The following TUBGCP4 variants were observed in gnomAD, a reference collection of about 807,000 sequenced individuals.
TUBGCP4 encodes the protein gamma-tubulin complex component 4.
A neutral mutation model predicts 91.6 loss-of-function variants in TUBGCP4; 54 were observed. That is an observed-to-expected ratio of 0.59 (90% CI 0.47 to 0.74). TUBGCP4 has a LOEUF of 0.74. TUBGCP4 is among the 30% of genes least tolerant of loss of function. The pLI is 0.00. For missense variants in TUBGCP4, 593 were observed against 800.9 expected (o/e 0.74, Z 3.13); for synonymous variants, 297 against 302.8 (o/e 0.98, Z 0.20).
intron 5 of TUBGCP4, among the ~76,000 whole-genome samples, chr15:43,379,837 C>A (rs1441753904): frequency 6.6e-6 from 1 of 152,080 alleles, no homozygotes; most frequent in Non-Finnish European, 1.5e-5. Flanking sequence ...TTAGAATCAC[C>A]TGGAGGGCTT....
chr15:43,375,989 T>G (rs966691935), intron 1 of TUBGCP4, 109 bp from the exon 2 acceptor site: 1 of 1,504,628 alleles, frequency 6.6e-7, no homozygotes, highest in Non-Finnish European at 9.1e-7. Flanking sequence ...CACCTTTAAG[T>G]GGACATCTTG....
In TUBGCP4 at chr15:43,406,612, G is replaced by T; in HGVS notation, c.*1398G>T. The T allele has an allele frequency of 1.1e-5, 5 of 455,960 alleles. No individual in the cohort carries two copies. The highest frequency in any genetic ancestry group is 3.1e-5 in the South Asian group (2 of 64,554). 28.2% of individuals were successfully genotyped at this position (455,960 alleles called of 1,614,324 possible). ...TTGACCCTTTACAGAAAAAAACCTT[G>T]TTGACCCCTGCTTTAGAGAATGAGA... On this transcript the variant is annotated 3_prime_UTR_variant, in exon 18 of 18. Coordinates refer to ENST00000564079, the MANE Select transcript of TUBGCP4 (RefSeq NM_014444.5).
intron 16 of TUBGCP4, chr15:43,404,057 TC>T: frequency 1.9e-6 from 1 of 532,532 alleles, no homozygotes; most frequent in Non-Finnish European, 3.3e-6. Context: ...TGTTCTAACT[TC>T]CTCACATCCT....
At chr15:43,375,993 C>CT (rs2044198040) in intron 1 of TUBGCP4, 105 bp from the exon 2 acceptor site, 2 of 1,513,658 alleles carry the variant, frequency 1.3e-6, no homozygotes, top group Non-Finnish European at 1.8e-6. Context: ...TTTAAGTGGA[C>CT]ATCTTGAGAA....
intron 12 of TUBGCP4, 130 bp downstream of exon 12, chr15:43,397,451 A>T: frequency 1.4e-6 from 1 of 702,286 alleles, no homozygotes; most frequent in Non-Finnish European, 2.5e-6. Flanking sequence ...CAGTACTATA[A>T]TTCTATAGAG....
chr15:43,395,284 C>T, intron 10 of TUBGCP4, 127 bp downstream of exon 10: 1 of 1,062,696 alleles, frequency 9.4e-7, no homozygotes, highest in Non-Finnish European at 1.5e-6. Flanking sequence ...TGTTCTTATC[C>T]AAGTGAGCAA....
intron 7 of TUBGCP4, among the ~76,000 whole-genome samples, chr15:43,383,944 A>C (rs762466163): frequency 6.6e-6 from 1 of 152,154 alleles, no homozygotes; most frequent in Non-Finnish European, 1.5e-5. Flanking sequence ...GGAACCAGGC[A>C]TGTGCCACCA....
In TUBGCP4 at chr15:43,371,113, G is replaced by T. The variant is rs1017338607; in HGVS notation, c.-242G>T. 31 of 587,398 alleles carry T rather than the reference G, an allele frequency of 5.3e-5. No homozygotes were observed. The highest frequency in any genetic ancestry group is 8.3e-5 in the Non-Finnish European group (27 of 327,004). 36.4% of individuals were successfully genotyped at this position (587,398 alleles called of 1,614,324 possible). A position where few individuals can be genotyped will look rare whatever the true frequency, so the allele number is the denominator to read the frequency against. ...GCGACCGCGACTCAGTCTCCGCAGAGCCCGGGCGGGAGTAGCTGGTGGACC... is the reference window on the plus strand; with the variant it reads ...GCGACCGCGACTCAGTCTCCGCAGATCCCGGGCGGGAGTAGCTGGTGGACC... On this transcript the variant is annotated 5_prime_UTR_variant, in exon 1 of 18. Transcript: ENST00000564079.
rs1473236848 is a variant in TUBGCP4, at chr15:43,409,137, T to C, written c.*3923T>C. 2.5e-6 allele frequency: 4 copies of C among 1,589,072 alleles called. No homozygotes were observed. In the South Asian group the frequency reaches 4.4e-5, roughly 18 times the overall value. The stretch of plus-strand genomic sequence containing the variant: ...CAGAGCCAATGGGTTTGGTGACTTC[T>C]GTGGAAAGCTCCTAAGCAGCAGCCA... On this transcript the variant is annotated 3_prime_UTR_variant, in exon 18 of 18. Coordinates refer to ENST00000564079, the MANE Select transcript of TUBGCP4 (RefSeq NM_014444.5).
At position 43,403,644 on chromosome 15, in the gene TUBGCP4, T is replaced by G. The variant is rs538174893; in HGVS notation, c.1732-39T>G. The G allele has an allele frequency of 1.5e-5, 21 of 1,436,258 alleles. No homozygotes were observed. The African/African-American group carries it at 2.7e-4, about 18-fold the overall frequency. 89.0% of individuals were successfully genotyped at this position (1,436,258 alleles called of 1,614,324 possible). On this transcript the variant is annotated intron_variant, in intron 15 of 17. Coordinates refer to ENST00000564079, the MANE Select transcript of TUBGCP4 (RefSeq NM_014444.5). ...AACACTTTAACTTCATGGATGTACC[T>G]TCCTTCCTTTCCTAATGCCAACTCT...
chr15:43,386,344 CGTATATATATATAT>C lies in TUBGCP4; in HGVS notation c.1014+15_1014+28del, dbSNP rs1300517902. 82 of 245,616 alleles carry C rather than the reference CGTATATATATATAT, an allele frequency of 3.3e-4. 16 individuals are homozygous for C. Among genetic ancestry groups the C allele is most frequent in the African/African-American group, 7.6e-4 (6 of 7,940 alleles). 15.2% of individuals were successfully genotyped at this position (245,616 alleles called of 1,614,324 possible). A position where few individuals can be genotyped will look rare whatever the true frequency, so the allele number is the denominator to read the frequency against. ...ACTGTGGCTGAGGTTTGTGTTTCATCGTATATATATATATATATATATATATATATATATTTTTT... is the reference window on the plus strand; with the variant it reads ...ACTGTGGCTGAGGTTTGTGTTTCATCATATATATATATATATATATTTTTT... On this transcript the variant is annotated intron_variant, in intron 9 of 17. Coordinates refer to ENST00000564079, the MANE Select transcript of TUBGCP4 (RefSeq NM_014444.5).
In TUBGCP4 at chr15:43,395,116, A is replaced by G; in HGVS notation, c.1024A>G (p.Lys342Glu). Residue 342 changes from lysine to glutamate, a missense_variant, in exon 10 of 18, where the codon AAG becomes GAG. Transcript: ENST00000564079. ...IRSTVAEHLW[K>E]LMVEESDLLG... is the part of the protein sequence containing the mutation. Reference sequence around the variant, plus strand: ...TTGGTTGTTTTCATAGCATCTCTGGAAGTTGATGGTAGAAGAATCCGATTT... The same window carrying G: ...TTGGTTGTTTTCATAGCATCTCTGGGAGTTGATGGTAGAAGAATCCGATTT... The G allele has an allele frequency of 6.2e-7, 1 of 1,614,070 alleles. No homozygotes were observed. The highest frequency in any genetic ancestry group is 8.5e-7 in the Non-Finnish European group (1 of 1,180,004).
In TUBGCP4 at chr15:43,405,630, C is replaced by G. The variant is rs1304125903; in HGVS notation, c.*416C>G. The G allele has an allele frequency of 6.0e-6, 1 of 167,694 alleles. No individual in the cohort carries two copies. Among genetic ancestry groups the G allele is most frequent in the Non-Finnish European group, 1.3e-5 (1 of 78,130 alleles). The allele number at this position is 167,694 out of a possible 1,614,324, so 10.4% of individuals were successfully genotyped here. A position where few individuals can be genotyped will look rare whatever the true frequency, so the allele number is the denominator to read the frequency against. ...ATTATGTTTATAAATAGACTAACTGCTGGATGTTACCACCAAGTAAGAAAG... is the reference window on the plus strand; with the variant it reads ...ATTATGTTTATAAATAGACTAACTGGTGGATGTTACCACCAAGTAAGAAAG... On this transcript the variant is annotated 3_prime_UTR_variant, in exon 18 of 18. Coordinates refer to ENST00000564079, the MANE Select transcript of TUBGCP4 (RefSeq NM_014444.5).
chr15:43,381,039 T>C (rs1308060091), intron 6 of TUBGCP4, among the ~76,000 whole-genome samples: 1 of 152,136 alleles, frequency 6.6e-6, no homozygotes, highest in East Asian at 1.9e-4. Context: ...ACTCCTAGGC[T>C]CAACCGATAT....
rs894630790 is a variant in TUBGCP4 at position 43,393,301 on chromosome 15, C to T, written c.1015-1806C>T. Among the ~76,000 whole-genome samples, 3 of 151,632 alleles carry T rather than the reference C, an allele frequency of 2.0e-5. No individual in the cohort carries two copies. The South Asian group carries it at 6.3e-4, about 32-fold the overall frequency. ...CTCTGCTTACTGCAACCTCCGTCTCCCGGGTTCAAGCGATTCCCCTGCCTC... is the reference window on the plus strand; with the variant it reads ...CTCTGCTTACTGCAACCTCCGTCTCTCGGGTTCAAGCGATTCCCCTGCCTC... On this transcript the variant is annotated intron_variant, in intron 9 of 17. Coordinates refer to ENST00000564079, the MANE Select transcript of TUBGCP4 (RefSeq NM_014444.5).
In TUBGCP4 at chr15:43,376,724, G is replaced by A. The variant is rs140811212; in HGVS notation, c.330+99G>A. 18 of 1,527,756 alleles carry A rather than the reference G, an allele frequency of 1.2e-5. No homozygotes were observed. The East Asian group carries it at 3.9e-4, about 33-fold the overall frequency. The allele number at this position is 1,527,756 out of a possible 1,614,324, so 94.6% of individuals were successfully genotyped here. ...TTGATAAGATCAGGTAGTTAAGAGT[G>A]AGCAGTTGCCTGCATGGCTGGAAGG... On this transcript the variant is annotated intron_variant, in intron 3 of 17. Coordinates refer to ENST00000564079, the MANE Select transcript of TUBGCP4 (RefSeq NM_014444.5).
chr15:43,388,611 G>T (rs1420081125), intron 9 of TUBGCP4, among the ~76,000 whole-genome samples: 2 of 152,082 alleles, frequency 1.3e-5, no homozygotes, highest in African/African-American at 4.8e-5. Context: ...TAAATCTTTG[G>T]AAAGTATAAT....
intron 9 of TUBGCP4, among the ~76,000 whole-genome samples, chr15:43,389,740 A>G (rs556125421): frequency 6.6e-6 from 1 of 152,248 alleles, no homozygotes; most frequent in African/African-American, 2.4e-5. Flanking sequence ...AGACTGGGTA[A>G]TTTATAAAGG....
rs764589998 is a variant in TUBGCP4, at chr15:43,407,445, CAAT to C, written c.*2232_*2234del. 1.2e-6 allele frequency: 2 copies of C among 1,614,220 alleles called. No homozygotes were observed. The highest frequency in any genetic ancestry group is 1.1e-5 in the South Asian group (1 of 91,082). ...TGCTTGAATCCAATTCTCTCCCCAA[CAAT>C]GAGGCACTGGATCACCCACTCTTGT... is the stretch of plus-strand genomic sequence containing the variant. On this transcript the variant is annotated 3_prime_UTR_variant, in exon 18 of 18. Coordinates refer to ENST00000564079, the MANE Select transcript of TUBGCP4 (RefSeq NM_014444.5).
Sources: gnomAD v4.1 joint callset for allele counts (sites outside exome capture counted in the v4.1 genomes callset) on GRCh38, gnomAD v4.1.1 for gene constraint, MANE v1.5 for transcripts, NCBI Gene and HGNC (gene_info 2026-07-23, HGNC 2026-07-21) for gene names.